SEMA3A: variants seen among roughly 807,000 people sequenced by gnomAD.
The protein encoded by SEMA3A is semaphorin 3A, also known as semaphorin-3A.
Under a neutral mutation model 97.9 loss-of-function variants are expected in SEMA3A, and 29 were observed. That is an observed-to-expected ratio of 0.30 (90% CI 0.22 to 0.40). The LOEUF (loss-of-function observed/expected upper bound fraction) is 0.40. Among genes scored for constraint, SEMA3A ranks in the 10% least tolerant of loss-of-function variants. The pLI is 1.00. For missense variants in SEMA3A, 763 were observed against 951.3 expected (o/e 0.80, Z 2.60); for synonymous variants, 321 against 323.7 (o/e 0.99, Z 0.09).
chr7:84,279,301 T>C (rs1800380957), intron 3 of SEMA3A, among the ~76,000 whole-genome samples: 2 of 152,088 alleles, frequency 1.3e-5, no homozygotes, highest in South Asian at 2.1e-4. Context: ...AACACATCAA[T>C]ACTATATACT....
intron 3 of SEMA3A, among the ~76,000 whole-genome samples, chr7:84,119,251 A>T (rs1191660304): frequency 6.6e-6 from 1 of 152,188 alleles, no homozygotes; most frequent in Non-Finnish European, 1.5e-5. Flanking sequence ...TACATTTAAC[A>T]CCATGTATAG....
intron 6 of SEMA3A, among the ~76,000 whole-genome samples, chr7:84,043,247 C>G (rs1467915725): frequency 6.6e-6 from 1 of 151,918 alleles, no homozygotes; most frequent in Non-Finnish European, 1.5e-5. Context: ...GTTATTCATT[C>G]CTAAATTTTC....
chr7:84,125,678 T>C (rs532510735), intron 3 of SEMA3A, among the ~76,000 whole-genome samples: 1 of 152,192 alleles, frequency 6.6e-6, no homozygotes, highest in South Asian at 2.1e-4. Flanking sequence ...AAGAATCCCT[T>C]AGTTTTTTGT....
chr7:84,101,081 C>T (rs1326991017), intron 4 of SEMA3A, among the ~76,000 whole-genome samples: 5 of 152,146 alleles, frequency 3.3e-5, no homozygotes, highest in Admixed American at 1.3e-4. Context: ...CCCCATGGAA[C>T]CCTATGATGT....
chr7:84,092,792 C>A (rs1794640157), intron 4 of SEMA3A, among the ~76,000 whole-genome samples: 1 of 152,096 alleles, frequency 6.6e-6, no homozygotes, highest in Non-Finnish European at 1.5e-5. Flanking sequence ...ATGTGCATAA[C>A]CTCCAACTAT....
At chr7:84,252,634 C>T (rs900556389) in intron 3 of SEMA3A, among the ~76,000 whole-genome samples, 1 of 152,020 alleles carries the variant, frequency 6.6e-6, no homozygotes, top group African/African-American at 2.4e-5. Flanking sequence ...AAATTGTTAC[C>T]TATACAGTCA....
At chr7:84,319,390 AC>A (rs75917943) in intron 2 of SEMA3A, among the ~76,000 whole-genome samples, 11,525 of 152,102 alleles carry the variant, frequency 0.076, 610 homozygotes, top group East Asian at 0.29. Context: ...AGTCTGGTGC[AC>A]CAAACAGGAA....
At chr7:84,412,528 T>G (rs1180858356) in intron 1 of SEMA3A, among the ~76,000 whole-genome samples, 1 of 152,174 alleles carries the variant, frequency 6.6e-6, no homozygotes, top group Non-Finnish European at 1.5e-5. Context: ...CTTTCATTAC[T>G]AGCCATGACT....
intron 1 of SEMA3A, among the ~76,000 whole-genome samples, chr7:84,151,215 C>T (rs1796656349): frequency 6.6e-6 from 1 of 152,022 alleles, no homozygotes; most frequent in Non-Finnish European, 1.5e-5. Context: ...AGCTCCTCAC[C>T]AGCAACGGAA....
intron 3 of SEMA3A, among the ~76,000 whole-genome samples, chr7:84,278,243 A>G (rs558623621): frequency 4.6e-5 from 7 of 152,238 alleles, no homozygotes; most frequent in African/African-American, 1.4e-4. Flanking sequence ...CCAGCTCTCA[A>G]TAAGTTTCTC....
At chr7:84,439,555 A>C (rs919918643) in intron 1 of SEMA3A, among the ~76,000 whole-genome samples, 1 of 152,180 alleles carries the variant, frequency 6.6e-6, no homozygotes, top group African/African-American at 2.4e-5. Context: ...ATTATGTCTG[A>C]TATTAAAACA....
intron 1 of SEMA3A, among the ~76,000 whole-genome samples, chr7:84,452,072 C>T (rs1218846642): frequency 6.6e-6 from 1 of 152,118 alleles, no homozygotes; most frequent in South Asian, 2.1e-4. Context: ...TTGCTTGTTA[C>T]TTATTTAAAT....
At chr7:84,151,556 A>G (rs1796672076) in intron 1 of SEMA3A, among the ~76,000 whole-genome samples, 2 of 152,042 alleles carry the variant, frequency 1.3e-5, no homozygotes, top group South Asian at 4.1e-4. Context: ...AATAAAAAGA[A>G]ATGAGCAAAG....
intron 3 of SEMA3A, among the ~76,000 whole-genome samples, chr7:84,251,349 T>C (rs957250827): frequency 6.6e-6 from 1 of 152,148 alleles, no homozygotes; most frequent in Non-Finnish European, 1.5e-5. Context: ...TCCAGGAGGT[T>C]AGGAGCCAGG....
At chr7:83,963,084 G>T (rs1022326959) in intron 16 of SEMA3A, 121 bp downstream of exon 16, 5 of 1,022,216 alleles carry the variant, frequency 4.9e-6, no homozygotes, top group Non-Finnish European at 5.9e-6. Context: ...ATGAGCGATT[G>T]ATTGGTTCAG....
chr7:84,300,032 C>CAAAAAAAAAAAAAAAAAAAA (rs58929555), intron 3 of SEMA3A, among the ~76,000 whole-genome samples: 1 of 53,310 alleles, frequency 1.9e-5, no homozygotes, highest in Non-Finnish European at 3.9e-5. Context: ...GACTCAGTCA[C>CAAAAAAAAAAAAAAAAAAAA]AAAAAAAAAA....
chr7:84,328,322 G>A (rs542554659), intron 2 of SEMA3A, among the ~76,000 whole-genome samples: 126 of 151,906 alleles, frequency 8.3e-4, no homozygotes, highest in African/African-American at 2.8e-3. Context: ...ATAAACATAC[G>A]TAAACATGAA....
chr7:84,137,176 G>C (rs975186831), intron 1 of SEMA3A, among the ~76,000 whole-genome samples: 7 of 151,970 alleles, frequency 4.6e-5, no homozygotes, highest in African/African-American at 1.7e-4. Flanking sequence ...CAAGGCGGGT[G>C]GATCACGAGG....
intron 3 of SEMA3A, among the ~76,000 whole-genome samples, chr7:84,237,444 GAGA>G (rs1431567106): frequency 4.6e-5 from 7 of 152,066 alleles, no homozygotes; most frequent in South Asian, 4.1e-4. Flanking sequence ...ATCAATAAAA[GAGA>G]AGAAGAACGA....
Sources: gnomAD v4.1 joint callset for allele counts (sites outside exome capture counted in the v4.1 genomes callset) on GRCh38, gnomAD v4.1.1 for gene constraint, MANE v1.5 for transcripts, NCBI Gene and HGNC (gene_info 2026-07-23, HGNC 2026-07-21) for gene names.